MOV10L1: variants seen among roughly 807,000 people sequenced by gnomAD.
The protein encoded by MOV10L1 is RNA helicase Mov10l1.
A neutral mutation model predicts 143.8 loss-of-function variants in MOV10L1; 110 were observed. That is an observed-to-expected ratio of 0.76 (90% CI 0.66 to 0.90). The LOEUF (loss-of-function observed/expected upper bound fraction) is 0.90, where lower values mean the gene tolerates loss of function less well. Ranked by LOEUF, MOV10L1 falls within the 40% of genes least tolerant of loss-of-function variation. The probability of loss-of-function intolerance (pLI) is 0.00; values close to 1 mark genes in which losing one functional copy is unlikely to be tolerated. For synonymous variants in MOV10L1, 593 were observed against 581.1 expected (o/e 1.02, Z -0.29); for missense variants, 1,406 against 1,526.8 (o/e 0.92, Z 1.32).
In MOV10L1 at chr22:50,134,501, C is replaced by T. The variant is rs377023405; in HGVS notation, c.1970-29C>T. 16 of 1,585,106 alleles carry T rather than the reference C, an allele frequency of 1.0e-5. No homozygotes were observed. The East Asian group carries it at 1.1e-4, about 11-fold the overall frequency. On this transcript the variant is annotated intron_variant, in intron 14 of 26. Transcript: ENST00000262794. ...ATTTTTTTAGCTTTTTAGTTATACC[C>T]GTGCTCTTACCATTTTTTGTTTTAA...
In MOV10L1 at chr22:50,113,705, C is replaced by A; in HGVS notation, c.801C>A (p.Asn267Lys). Reference sequence around the variant, plus strand: ...TCTATGGAACGATTTTGCTGAAGAACAAAGGTGATATTGAAGTTACACAGG... The same window carrying A: ...TCTATGGAACGATTTTGCTGAAGAAAAAAGGTGATATTGAAGTTACACAGG... ...THFYGTILLK[N>K]KGDIEVTQVT... The change falls in exon 6 of 27, where the codon AAC (asparagine) becomes AAA (lysine). Residue 267 changes from asparagine to lysine, a missense_variant. Around this residue, in one of 3 missense-constraint regions of MOV10L1, gnomAD observed 1,233 missense variants for 1,351.4 expected, o/e 0.91. Coordinates refer to ENST00000262794, the MANE Select transcript of MOV10L1 (RefSeq NM_018995.3). 6.2e-7 allele frequency: 1 copy of A among 1,614,026 alleles called. No individual in the cohort carries two copies. The highest frequency in any genetic ancestry group is 8.5e-7 in the Non-Finnish European group (1 of 1,180,000).
chr22:50,113,274 A>G (rs1411003966), intron 5 of MOV10L1, among the ~76,000 whole-genome samples: 1 of 152,214 alleles, frequency 6.6e-6, no homozygotes, highest in Non-Finnish European at 1.5e-5. Flanking sequence ...GAGCCCTAAT[A>G]GGCAAGGCCC....
chr22:50,090,917 C>T (rs1038742142), intron 1 of MOV10L1: 2 of 228,616 alleles, frequency 8.7e-6, no homozygotes, highest in Non-Finnish European at 1.8e-5. Flanking sequence ...CTCAGGTGAC[C>T]CACCCACCTT....
Position 50,092,073 on chromosome 22 carries a change from T to C in MOV10L1, c.170T>C (p.Met57Thr), listed in dbSNP as rs368506169. The C allele has an allele frequency of 1.0e-4, 166 of 1,614,070 alleles. No individual in the cohort carries two copies. Among genetic ancestry groups the C allele is most frequent in the South Asian group, 3.1e-4 (28 of 91,092 alleles). ...YCSDYGMIDD[M>T]IYFSSDAVTS... Reference sequence around the variant, plus strand: ...AGCGATTATGGCATGATTGATGATATGATCTACTTCTCCAGTGATGCTGTG... The same window carrying C: ...AGCGATTATGGCATGATTGATGATACGATCTACTTCTCCAGTGATGCTGTG... The change falls in exon 2 of 27, where the codon ATG (methionine) becomes ACG (threonine). Residue 57 changes from methionine (M) to threonine (T), a missense_variant. Met to Thr is a moderately conservative substitution (Grantham distance 81, BLOSUM62 -1). Around this residue, in one of 3 missense-constraint regions of MOV10L1, gnomAD observed 166 missense variants for 153.9 expected, o/e 1.08. Transcript: ENST00000262794.
intron 2 of MOV10L1, chr22:50,095,620 T>C (rs1231734958): frequency 1.3e-5 from 2 of 152,184 alleles, no homozygotes; most frequent in African/African-American, 4.8e-5. Context: ...TCCCGTTGAT[T>C]TTAAGATACA....
At chr22:50,112,400 A>G (rs996300979) in intron 5 of MOV10L1, among the ~76,000 whole-genome samples, 2 of 152,180 alleles carry the variant, frequency 1.3e-5, no homozygotes, top group Admixed American at 6.5e-5. Flanking sequence ...CCTCATCCCC[A>G]GGCAGAAGCT....
intron 20 of MOV10L1, 45 bp downstream of exon 20, chr22:50,149,759 C>T: frequency 1.3e-6 from 2 of 1,533,536 alleles, no homozygotes; most frequent in Non-Finnish European, 1.8e-6. Flanking sequence ...TCACCCCGTT[C>T]TCCTGAGGGG....
chr22:50,107,789 GT>G (rs769500229), intron 3 of MOV10L1, among the ~76,000 whole-genome samples: 17 of 152,178 alleles, frequency 1.1e-4, no homozygotes, highest in Non-Finnish European at 1.9e-4. Flanking sequence ...CACCGTGTGT[GT>G]GTCCCTGACA....
intron 1 of MOV10L1, 191 bp downstream of exon 1, chr22:50,090,376 C>G: frequency 3.9e-6 from 6 of 1,540,524 alleles, no homozygotes; most frequent in South Asian, 3.6e-5. Flanking sequence ...TCCCGCCGCT[C>G]TGGGCGCCCG....
chr22:50,161,615 C>CA lies in MOV10L1; in HGVS notation c.*167dup, dbSNP rs1247397236. 4.6e-6 allele frequency: 3 copies of CA among 646,444 alleles called. No homozygotes were observed. In the African/African-American group the frequency reaches 5.5e-5, roughly 12 times the overall value. The allele number at this position is 646,444 out of a possible 1,614,324, so 40.0% of individuals were successfully genotyped here. Reference sequence around the variant, plus strand: ...GCAGCTGCTGCTGCCCTGACTTTGGCATATGCCAGCCTGTTCCTGCCACAG... The same window carrying CA: ...GCAGCTGCTGCTGCCCTGACTTTGGCAATATGCCAGCCTGTTCCTGCCACAG... On this transcript the variant is annotated 3_prime_UTR_variant, in exon 27 of 27. Transcript: ENST00000262794.
chr22:50,102,614 G>A (rs1246229072), intron 3 of MOV10L1, among the ~76,000 whole-genome samples: 1 of 152,108 alleles, frequency 6.6e-6, no homozygotes, highest in Non-Finnish European at 1.5e-5. Context: ...AAAATAATTA[G>A]CATCAGGCCT....
At chr22:50,120,793 C>T (rs975484812) in intron 10 of MOV10L1, among the ~76,000 whole-genome samples, 177 bp downstream of exon 10, 2 of 152,228 alleles carry the variant, frequency 1.3e-5, no homozygotes, top group Non-Finnish European at 1.5e-5. Flanking sequence ...ATAGCACTCA[C>T]GCTGCCAGAC....
At chr22:50,108,900 T>C (rs2061946149) in intron 5 of MOV10L1, 56 bp downstream of exon 5, 2 of 1,554,568 alleles carry the variant, frequency 1.3e-6, no homozygotes, top group Non-Finnish European at 1.8e-6. Context: ...ATCCTAGCAC[T>C]TTGGGAGGCT....
rs2147041399 is a variant in MOV10L1 at position 50,161,042 on chromosome 22, C to A, written c.3541C>A (p.Gln1181Lys). The change falls in exon 26 of 27, where the codon CAG becomes AAG. Residue 1181 changes from glutamine (Q) to lysine (K), a missense_variant. By Grantham distance (53) the Gln-to-Lys change is moderately conservative (BLOSUM62 1). Around this residue, in one of 3 missense-constraint regions of MOV10L1, gnomAD observed 1,233 missense variants for 1,351.4 expected, o/e 0.91. Coordinates refer to ENST00000262794, the MANE Select transcript of MOV10L1 (RefSeq NM_018995.3). ...YMGCDLPPAL[Q>K]SLQNCGEGVA... ...GGGATGCGATTTACCTCCTGCACTGCAGTCTCTGCAAAAGTGAGCGCTTCT... is the reference window on the plus strand; with the variant it reads ...GGGATGCGATTTACCTCCTGCACTGAAGTCTCTGCAAAAGTGAGCGCTTCT... 6.2e-7 allele frequency: 1 copy of A among 1,614,022 alleles called. No homozygotes were observed. Among genetic ancestry groups the A allele is most frequent in the Non-Finnish European group, 8.5e-7 (1 of 1,179,958 alleles).
chr22:50,103,614 T>C (rs1377012893), intron 3 of MOV10L1, among the ~76,000 whole-genome samples: 1 of 152,044 alleles, frequency 6.6e-6, no homozygotes, highest in African/African-American at 2.4e-5. Flanking sequence ...GAAGGTGGGG[T>C]CTGAGCTGCG....
At chr22:50,110,102 T>C (rs1043372344) in intron 5 of MOV10L1, among the ~76,000 whole-genome samples, 3 of 151,100 alleles carry the variant, frequency 2.0e-5, no homozygotes, top group East Asian at 1.9e-4. Context: ...TGAGGCGAGA[T>C]TGCACCACTG....
chr22:50,090,190 C>G lies in MOV10L1; in HGVS notation c.97+5C>G. The stretch of plus-strand genomic sequence containing the variant: ...TGGAGCCCGAGCTCGCGGAAGGTGG[C>G]TCGCGGGAGGCGGCTGGGAGGCGGG... On this transcript the variant is annotated splice_donor_5th_base_variant and intron_variant, in intron 1 of 26. Coordinates refer to ENST00000262794, the MANE Select transcript of MOV10L1 (RefSeq NM_018995.3). 1 of 1,416,582 alleles carries G rather than the reference C, an allele frequency of 7.1e-7. No individual in the cohort carries two copies. The highest frequency in any genetic ancestry group is 9.2e-7 in the Non-Finnish European group (1 of 1,086,498). The allele number at this position is 1,416,582 out of a possible 1,614,324, so 87.8% of individuals were successfully genotyped here.
Position 50,117,338 on chromosome 22 carries a change from A to G in MOV10L1, c.1441A>G (p.Thr481Ala), listed in dbSNP as rs529094658. The G allele has an allele frequency of 6.2e-7, 1 of 1,613,746 alleles. No individual in the cohort carries two copies. Among genetic ancestry groups the G allele is most frequent in the Non-Finnish European group, 8.5e-7 (1 of 1,179,898 alleles). ...ATCCGCAAAAACTACAGTTGTTGTG[A>G]CCGCACAGAAAAGGTACCATAACTG... ...LTSAKTTVVV[T>A]AQKRNSRRQL... is the part of the protein sequence containing the mutation. Residue 481 changes from threonine (T) to alanine (A), a missense_variant, in exon 9 of 27, where the codon ACC becomes GCC. Around this residue, in one of 3 missense-constraint regions of MOV10L1, gnomAD observed 1,233 missense variants for 1,351.4 expected, o/e 0.91. Transcript: ENST00000262794.
At chr22:50,153,992 A>G (rs2063361995) in intron 22 of MOV10L1, among the ~76,000 whole-genome samples, 1 of 152,218 alleles carries the variant, frequency 6.6e-6, no homozygotes, top group African/African-American at 2.4e-5. Context: ...TCTGCATTCC[A>G]TGCCCTACCC....
Sources: allele counts gnomAD v4.1 joint callset (sites outside exome capture counted in the v4.1 genomes callset), GRCh38; gene constraint gnomAD v4.1.1; regional missense constraint gnomAD v4.1.1; transcripts MANE v1.5; gene names NCBI Gene and HGNC (gene_info 2026-07-23, HGNC 2026-07-21).